The following KHDRBS1 variants were observed in gnomAD, a reference collection of about 807,000 sequenced individuals.
KHDRBS1 encodes KH domain-containing, RNA-binding, signal transduction-associated protein 1.
KHDRBS1 carries 7 observed loss-of-function variants against 48.4 expected under a neutral mutation model. The observed-to-expected ratio is 0.14, with a 90% CI of 0.08 to 0.27. The LOEUF (loss-of-function observed/expected upper bound fraction) is 0.27. KHDRBS1 is among the 10% of genes least tolerant of loss of function. The pLI is 1.00. For missense variants in KHDRBS1, 458 were observed against 601.2 expected (o/e 0.76, Z 2.49); for synonymous variants, 241 against 235.8 (o/e 1.02, Z -0.20).
At chr1:32,026,808 T>C (rs146463671) in intron 1 of KHDRBS1, among the ~76,000 whole-genome samples, 2 of 152,304 alleles carry the variant, frequency 1.3e-5, no homozygotes, top group African/African-American at 4.8e-5. Flanking sequence ...TTCTTTTTTG[T>C]TGTTGTGATG....
chr1:32,052,481 T>A (rs1349288637), intron 10 of KHDRBS1: 4 of 151,540 alleles, frequency 2.6e-5, no homozygotes, highest in Admixed American at 2.0e-4. Context: ...CACTGCAAGC[T>A]CCACCTCCCA....
chr1:32,056,213 A>G (rs1345727645), intron 10 of KHDRBS1, among the ~76,000 whole-genome samples: 1 of 151,136 alleles, frequency 6.6e-6, no homozygotes, highest in Non-Finnish European at 1.5e-5. Context: ...GTTCTCATGT[A>G]CACAAGCTAA....
At chr1:32,049,252 C>T (rs1177999591) in intron 10 of KHDRBS1, among the ~76,000 whole-genome samples, 1 of 151,896 alleles carries the variant, frequency 6.6e-6, no homozygotes, top group African/African-American at 2.4e-5. Flanking sequence ...GGTGGGGTTT[C>T]ACCGTGTTGG....
intron 8 of KHDRBS1, 95 bp from the exon 9 acceptor site, chr1:32,042,432 A>G (rs1221704774): frequency 1.0e-4 from 77 of 753,582 alleles, no homozygotes; most frequent in Non-Finnish European, 9.2e-6. Flanking sequence ...GAAGAAACTC[A>G]GTGTTTTTGG....
intron 1 of KHDRBS1, among the ~76,000 whole-genome samples, 164 bp downstream of exon 1, chr1:32,014,541 C>T (rs1638696131): frequency 6.6e-6 from 1 of 152,204 alleles, no homozygotes. Flanking sequence ...CACCTCAGCC[C>T]GGAGTGCGTG....
intron 10 of KHDRBS1, among the ~76,000 whole-genome samples, chr1:32,050,499 T>G (rs1557900730): frequency 1.1e-4 from 16 of 151,980 alleles, no homozygotes; most frequent in Non-Finnish European, 8.8e-5. Context: ...TTTTAGTTCT[T>G]TTTGTTTGTT....
Position 32,043,835 on chromosome 1 carries a change from C to T in KHDRBS1, c.*1211C>T, listed in dbSNP as rs1639325435. The T allele has an allele frequency of 6.6e-6, 1 of 152,616 alleles. No individual in the cohort carries two copies. Among genetic ancestry groups the T allele is most frequent in the South Asian group, 2.1e-4 (1 of 4,830 alleles). The allele number at this position is 152,616 out of a possible 1,614,324, so 9.5% of individuals were successfully genotyped here. On this transcript the variant is annotated 3_prime_UTR_variant, in exon 9 of 9. Coordinates refer to ENST00000327300, the MANE Select transcript of KHDRBS1 (RefSeq NM_006559.3). Reference sequence around the variant, plus strand: ...GTAGCTTAAACTTATGTCAAAATGTCTGCAGCAGTTTGTCAATAAAGTTTA... The same window carrying T: ...GTAGCTTAAACTTATGTCAAAATGTTTGCAGCAGTTTGTCAATAAAGTTTA...
At chr1:32,053,007 G>A (rs1639441652) in intron 10 of KHDRBS1, among the ~76,000 whole-genome samples, 2 of 149,792 alleles carry the variant, frequency 1.3e-5, no homozygotes, top group African/African-American at 4.8e-5. Flanking sequence ...AAAATAAAAA[G>A]CTAGATGTGG....
chr1:32,027,978 A>T (rs1184349122), intron 1 of KHDRBS1, among the ~76,000 whole-genome samples: 1 of 152,144 alleles, frequency 6.6e-6, no homozygotes, highest in Non-Finnish European at 1.5e-5. Context: ...TTAGCCGGGC[A>T]TAGTGGCGCA....
intron 1 of KHDRBS1, among the ~76,000 whole-genome samples, chr1:32,015,160 T>C (rs1638715495): frequency 1.3e-5 from 2 of 152,184 alleles, no homozygotes; most frequent in Admixed American, 6.6e-5. Context: ...ATGATGCTTG[T>C]ACTGAAAGGC....
At chr1:32,056,456 G>C (rs1639481040) in intron 10 of KHDRBS1, among the ~76,000 whole-genome samples, 1 of 152,210 alleles carries the variant, frequency 6.6e-6, no homozygotes, top group South Asian at 2.1e-4. Flanking sequence ...ATTGCATTAA[G>C]ATGCCTGAAT....
chr1:32,027,986 G>A (rs1017427975), intron 1 of KHDRBS1, among the ~76,000 whole-genome samples: 1 of 152,108 alleles, frequency 6.6e-6, no homozygotes, highest in Admixed American at 6.6e-5. Context: ...GCATAGTGGC[G>A]CATGCCTGTA....
chr1:32,059,589 T>A (rs544456174), intron 10 of KHDRBS1, among the ~76,000 whole-genome samples: 2 of 151,978 alleles, frequency 1.3e-5, no homozygotes, highest in Middle Eastern at 3.4e-3. Context: ...CTATAGGTTT[T>A]AGCATGAGAT....
chr1:32,040,755 G>C lies in KHDRBS1; in HGVS notation c.1234+1182G>C, dbSNP rs560789503. Among the ~76,000 whole-genome samples, 9 of 152,262 alleles carry C rather than the reference G, an allele frequency of 5.9e-5. No homozygotes were observed. The South Asian group carries it at 1.0e-3, about 18-fold the overall frequency. On this transcript the variant is annotated intron_variant, in intron 8 of 8. Transcript: ENST00000327300. ...GGGACTTCCAGAGAGTCCTTGGCAG[G>C]GGCTCAGCGATTGACAGTTCACGCT...
At chr1:32,045,804 C>A (rs1371162404), downstream of KHDRBS1, among the ~76,000 whole-genome samples, 2 of 152,186 alleles carry the variant, frequency 1.3e-5, no homozygotes, top group African/African-American at 4.8e-5. Flanking sequence ...CAGTGGTAGA[C>A]CACAGGAACG....
chr1:32,021,652 T>C lies in KHDRBS1; in HGVS notation c.382+7275T>C, dbSNP rs562779796. Among the ~76,000 whole-genome samples, 12 of 152,276 alleles carry C rather than the reference T, an allele frequency of 7.9e-5. No individual in the cohort carries two copies. The East Asian group carries it at 2.3e-3, about 29-fold the overall frequency. ...TTTTTTTTGAAACAGGTTCTCACTA[T>C]GTCACTCAGGCTGGAGTGCAGTAAC... On this transcript the variant is annotated intron_variant, in intron 1 of 8. Transcript: ENST00000327300.
intron 10 of KHDRBS1, among the ~76,000 whole-genome samples, chr1:32,058,055 T>G (rs1569830487): frequency 6.7e-6 from 1 of 149,120 alleles, no homozygotes; most frequent in Non-Finnish European, 1.5e-5. Context: ...GAGGCGGAGG[T>G]AGGAGTGAGC....
chr1:32,028,275 C>T (rs551874810), intron 1 of KHDRBS1, among the ~76,000 whole-genome samples: 1 of 152,110 alleles, frequency 6.6e-6, no homozygotes, highest in Admixed American at 6.6e-5. Context: ...AATGCAAATT[C>T]CTAACACAAA....
chr1:32,024,779 A>G (rs1159166910), intron 1 of KHDRBS1, among the ~76,000 whole-genome samples: 1 of 152,120 alleles, frequency 6.6e-6, no homozygotes, highest in Non-Finnish European at 1.5e-5. Context: ...GTTCTATGGT[A>G]TTTGATATAT....
Sources: allele counts gnomAD v4.1 joint callset (sites outside exome capture counted in the v4.1 genomes callset), GRCh38; gene constraint gnomAD v4.1.1; transcripts MANE v1.5; gene names NCBI Gene and HGNC (gene_info 2026-07-23, HGNC 2026-07-21).